The following CNNM2 variants were observed in gnomAD, a reference collection of about 807,000 sequenced individuals.
CNNM2 encodes cyclin and CBS domain divalent metal cation transport mediator 2.
In CNNM2, 12 loss-of-function variants were observed where a neutral mutation model predicts 66.9. The observed-to-expected ratio is 0.18, with a 90% CI of 0.11 to 0.29. The LOEUF is 0.29. Ranked by LOEUF, CNNM2 falls within the 10% of genes least tolerant of loss-of-function variation. CNNM2 has a pLI of 1.00. For synonymous variants in CNNM2, 557 were observed against 501.8 expected (o/e 1.11, Z -1.47); for missense variants, 705 against 1,167.7 (o/e 0.60, Z 5.77).
chr10:103,022,133 T>G (rs1217194990), intron 1 of CNNM2, among the ~76,000 whole-genome samples: 1 of 152,156 alleles, frequency 6.6e-6, no homozygotes, highest in Admixed American at 6.5e-5. Context: ...GAAACTGCAG[T>G]TTCTACCGCG....
chr10:103,000,878 C>T (rs757242992), intron 1 of CNNM2, among the ~76,000 whole-genome samples: 16 of 152,188 alleles, frequency 1.1e-4, no homozygotes, highest in South Asian at 2.1e-4. Context: ...TGTACCTGGC[C>T]TGTACACCAT....
chr10:102,980,661 TTTC>T (rs1415562271), intron 1 of CNNM2, among the ~76,000 whole-genome samples: 1 of 152,172 alleles, frequency 6.6e-6, no homozygotes, highest in African/African-American at 2.4e-5. Context: ...CATTCATACT[TTTC>T]TTCCTCTATC....
intron 1 of CNNM2, among the ~76,000 whole-genome samples, chr10:103,041,583 C>G (rs2065041474): frequency 6.6e-6 from 1 of 152,138 alleles, no homozygotes; most frequent in Non-Finnish European, 1.5e-5. Flanking sequence ...AGCACACTAG[C>G]CAGACTCTAG....
Position 103,068,676 on chromosome 10 carries a change from G to A in CNNM2, c.2121G>A (p.Ala707=), listed in dbSNP as rs755761869. 11 of 1,613,216 alleles carry A rather than the reference G, an allele frequency of 6.8e-6. No individual in the cohort carries two copies. The highest frequency in any genetic ancestry group is 2.2e-5 in the South Asian group (2 of 90,728). The change falls in exon 5 of 8, where the codon GCG becomes GCA. Residue 707 remains alanine (A), a synonymous_variant. Transcript: ENST00000369878. ...GGAAAGAAGGTATGAAGTTTGAAGC[G>A]AGCGCCTTCTCATACTATGGCGTGA... ...EAGKEGMKFE[A]SAFSYYGVMA... is the part of the protein sequence containing the mutation.
intron 1 of CNNM2, among the ~76,000 whole-genome samples, chr10:102,930,673 C>T (rs970433363): frequency 2.0e-5 from 3 of 152,122 alleles, no homozygotes; most frequent in African/African-American, 4.8e-5. Flanking sequence ...TTCATCACCC[C>T]GAAAGAAACT....
intron 1 of CNNM2, among the ~76,000 whole-genome samples, chr10:103,042,343 C>T (rs2065056709): frequency 6.6e-6 from 1 of 152,238 alleles, no homozygotes; most frequent in African/African-American, 2.4e-5. Context: ...CAGCCCTTTC[C>T]CAGGGCTATT....
At chr10:102,964,471 C>G (rs977347251) in intron 1 of CNNM2, among the ~76,000 whole-genome samples, 5 of 152,164 alleles carry the variant, frequency 3.3e-5, no homozygotes, top group Non-Finnish European at 5.9e-5. Flanking sequence ...TTAAGTGATT[C>G]ACCCGCTTCG....
intron 1 of CNNM2, among the ~76,000 whole-genome samples, chr10:103,009,939 C>CT (rs10572558): frequency 0.016 from 2,294 of 147,056 alleles, 125 homozygotes; most frequent in Admixed American, 0.11. Flanking sequence ...AAATTTAAGA[C>CT]TTTTTTTTTT....
chr10:102,961,226 C>T (rs923679167), intron 1 of CNNM2, among the ~76,000 whole-genome samples: 1 of 152,140 alleles, frequency 6.6e-6, no homozygotes, highest in African/African-American at 2.4e-5. Flanking sequence ...TCAGATGGAT[C>T]TTACCTCTGC....
intron 1 of CNNM2, among the ~76,000 whole-genome samples, chr10:103,000,110 C>T (rs1230453008): frequency 6.6e-6 from 1 of 152,046 alleles, no homozygotes; most frequent in Non-Finnish European, 1.5e-5. Flanking sequence ...GTGGCAGGCA[C>T]CTATAATACC....
chr10:102,980,915 C>G (rs1014471620), intron 1 of CNNM2, among the ~76,000 whole-genome samples: 1 of 152,168 alleles, frequency 6.6e-6, no homozygotes, highest in Non-Finnish European at 1.5e-5. Flanking sequence ...TATCCACATA[C>G]ACTTTGCTGG....
chr10:103,035,508 G>C (rs113701937), intron 1 of CNNM2, among the ~76,000 whole-genome samples: 1 of 152,102 alleles, frequency 6.6e-6, no homozygotes, highest in Admixed American at 6.6e-5. Flanking sequence ...GGGAAAATCC[G>C]AGTCTTTAAA....
At position 102,942,214 on chromosome 10, in the gene CNNM2, A is replaced by G. The variant is rs1278092565; in HGVS notation, c.1621+22113A>G. ...AAAAATTACCATTTTAACCATCTCA[A>G]GTATACGATTCAGTAGTATTAAGTA... On this transcript the variant is annotated intron_variant, in intron 1 of 7. Transcript: ENST00000369878. Among the ~76,000 whole-genome samples the G allele has an allele frequency of 3.3e-5, 5 of 152,234 alleles. No homozygotes were observed. The South Asian group carries it at 6.2e-4, about 19-fold the overall frequency.
intron 1 of CNNM2, among the ~76,000 whole-genome samples, chr10:102,926,989 G>A (rs1845890152): frequency 6.6e-6 from 1 of 151,610 alleles, no homozygotes; most frequent in Non-Finnish European, 1.5e-5. Flanking sequence ...GAAGTGCTGG[G>A]ATTACAAGCA....
rs2065488867 is a variant in CNNM2, at chr10:103,066,961, T to C, written c.2074-1668T>C. On this transcript the variant is annotated intron_variant, in intron 4 of 7. Transcript: ENST00000369878. ...TACGGCAAGATAATTGGCTAGGGAC[T>C]GGTGAACTGTCATTTCTGTTGAGCA... 4.6e-5 allele frequency among the ~76,000 whole-genome samples: 7 copies of C among 152,212 alleles called. No individual in the cohort carries two copies. The South Asian group carries it at 8.3e-4, about 18-fold the overall frequency.
intron 1 of CNNM2, among the ~76,000 whole-genome samples, chr10:102,987,964 T>G (rs926200378): frequency 1.3e-5 from 2 of 152,160 alleles, no homozygotes; most frequent in Non-Finnish European, 2.9e-5. Flanking sequence ...TCTGGAGACC[T>G]GTTAATCAGC....
intron 1 of CNNM2, among the ~76,000 whole-genome samples, chr10:102,955,328 T>C (rs1846994067): frequency 6.6e-6 from 1 of 152,166 alleles, no homozygotes; most frequent in Admixed American, 6.5e-5. Context: ...TAGCCATATG[T>C]AGAAAGCTGA....
rs1183019576 is a variant in CNNM2 at position 103,084,634 on chromosome 10, A to G, written c.*7454A>G. On this transcript the variant is annotated 3_prime_UTR_variant, in exon 8 of 8. Coordinates refer to ENST00000369878, the MANE Select transcript of CNNM2 (RefSeq NM_017649.5). ...ATGGAGGCAATTTTTCCTGCTGTCA[A>G]GATGAGATTTGCCTAAAACTCCCCC... is the stretch of plus-strand genomic sequence containing the variant. 1 of 152,210 alleles carries G rather than the reference A, an allele frequency of 6.6e-6. No individual in the cohort carries two copies. Among genetic ancestry groups the G allele is most frequent in the African/African-American group, 2.4e-5 (1 of 41,424 alleles). The allele number at this position is 152,210 out of a possible 1,614,324, so 9.4% of individuals were successfully genotyped here. A position where few individuals can be genotyped will look rare whatever the true frequency, so the allele number is the denominator to read the frequency against.
intron 5 of CNNM2, among the ~76,000 whole-genome samples, chr10:103,071,453 C>T (rs900566057): frequency 6.6e-5 from 10 of 152,106 alleles, no homozygotes; most frequent in Admixed American, 3.3e-4. Flanking sequence ...TCCCCTTTTG[C>T]GCAGCTACTG....
Sources: gnomAD v4.1 joint callset for allele counts (sites outside exome capture counted in the v4.1 genomes callset) on GRCh38, gnomAD v4.1.1 for gene constraint, MANE v1.5 for transcripts, NCBI Gene and HGNC (gene_info 2026-07-23, HGNC 2026-07-21) for gene names.